Variants in PTPRK observed in about 807,000 individuals in gnomAD.
The protein encoded by PTPRK is receptor-type tyrosine-protein phosphatase kappa.
Under a neutral mutation model 178.0 loss-of-function variants are expected in PTPRK, and 75 were observed. The observed-to-expected ratio is 0.42, with a 90% CI of 0.35 to 0.51. The LOEUF is 0.51. PTPRK is among the 20% of genes least tolerant of loss of function. The pLI is 0.02. For missense variants in PTPRK, 1,441 were observed against 1,797.8 expected, an observed-to-expected ratio of 0.80 and a Z score of 3.59; for synonymous variants, 637 against 620.6, an observed-to-expected ratio of 1.03 and a Z score of -0.39.
chr6:128,113,772 C>T lies in PTPRK; in HGVS notation c.1163-23780G>A, dbSNP rs1791047538. 2.0e-5 allele frequency among the ~76,000 whole-genome samples: 3 copies of T among 152,168 alleles called. 1 individual carries two copies. The South Asian group carries it at 6.2e-4, about 32-fold the overall frequency. On this transcript the variant is annotated intron_variant, in intron 7 of 29. Transcript: ENST00000368226. ...ATTTTCAAATCCCAGTAAACAAATG[C>T]TTCTGTGTACTTAAAAAACACCTCA...
At chr6:128,323,677 A>T (rs1829150357) in intron 2 of PTPRK, among the ~76,000 whole-genome samples, 1 of 152,064 alleles carries the variant, frequency 6.6e-6, no homozygotes. Context: ...ATTGCCACTG[A>T]GTGGTAGGTA....
intron 7 of PTPRK, among the ~76,000 whole-genome samples, chr6:128,135,343 G>C (rs1470229459): frequency 6.6e-6 from 1 of 150,972 alleles, no homozygotes; most frequent in East Asian, 1.9e-4. Flanking sequence ...CTGGACCCAA[G>C]AGCAGTGGTG....
intron 1 of PTPRK, chr6:128,409,226 C>T: frequency 2.4e-6 from 1 of 412,508 alleles, no homozygotes; most frequent in South Asian, 1.8e-5. Context: ...AGTCAGCCAA[C>T]AATAAACTTA....
chr6:128,163,029 T>C (rs1307946390), intron 7 of PTPRK, among the ~76,000 whole-genome samples: 1 of 151,482 alleles, frequency 6.6e-6, no homozygotes, highest in Non-Finnish European at 1.5e-5. Flanking sequence ...GCTTAACATG[T>C]TTCTATTTAT....
chr6:128,219,624 C>T (rs1810033167), intron 5 of PTPRK, among the ~76,000 whole-genome samples: 1 of 152,182 alleles, frequency 6.6e-6, no homozygotes, highest in Non-Finnish European at 1.5e-5. Flanking sequence ...AGGGCTGACA[C>T]TATGGTAGTA....
chr6:128,091,639 A>C (rs6911533), intron 7 of PTPRK, among the ~76,000 whole-genome samples: 87 of 152,352 alleles, frequency 5.7e-4, no homozygotes, highest in African/African-American at 2.0e-3. Flanking sequence ...ATGAGCAAAC[A>C]ATGCCTATAC....
In PTPRK at chr6:128,084,813, G is replaced by A. The variant is rs575485073; in HGVS notation, c.1466-989C>T. The stretch of plus-strand genomic sequence containing the variant: ...AAATATATAGTATCTATCCTACTTG[G>A]CTAAAAAATGTGTTTCTTTTTGAAA... On this transcript the variant is annotated intron_variant, in intron 8 of 29. Coordinates refer to ENST00000368226, the MANE Select transcript of PTPRK (RefSeq NM_002844.4). 4.6e-5 allele frequency: 7 copies of A among 152,052 alleles called. 1 individual carries two copies. The highest frequency in any genetic ancestry group is 1.7e-4 in the African/African-American group (7 of 41,492). 9.4% of individuals were successfully genotyped at this position (152,052 alleles called of 1,614,324 possible). A position where few individuals can be genotyped will look rare whatever the true frequency, so the allele number is the denominator to read the frequency against.
Position 128,189,602 on chromosome 6 carries a change from A to T in PTPRK, c.869-4877T>A, listed in dbSNP as rs552356605. On this transcript the variant is annotated intron_variant, in intron 6 of 29. Coordinates refer to ENST00000368226, the MANE Select transcript of PTPRK (RefSeq NM_002844.4). ...ACAGAGATGATGAAAATCATGTTTT[A>T]CAGGAGTCCACTGCTCTATTAACAC... is the stretch of plus-strand genomic sequence containing the variant. Among the ~76,000 whole-genome samples, 3 of 152,278 alleles carry T rather than the reference A, an allele frequency of 2.0e-5. No homozygotes were observed. In the East Asian group the frequency reaches 5.8e-4, roughly 29 times the overall value.
intron 1 of PTPRK, among the ~76,000 whole-genome samples, chr6:128,512,996 G>A (rs1857404030): frequency 6.6e-6 from 1 of 152,124 alleles, no homozygotes; most frequent in Admixed American, 6.5e-5. Context: ...AGCATGTTTG[G>A]TTCCTTGAAG....
At chr6:128,415,927 G>A (rs1842800495) in intron 1 of PTPRK, among the ~76,000 whole-genome samples, 1 of 152,100 alleles carries the variant, frequency 6.6e-6, no homozygotes, top group South Asian at 2.1e-4. Flanking sequence ...GAGATTAAAT[G>A]TTTGGGGCTG....
intron 3 of PTPRK, among the ~76,000 whole-genome samples, chr6:128,276,130 T>C (rs185308128): frequency 6.6e-6 from 1 of 152,206 alleles, no homozygotes; most frequent in Admixed American, 6.5e-5. Context: ...TAACTATAAA[T>C]GCCAATATAC....
chr6:128,520,436 C>T lies in PTPRK; in HGVS notation c.-78G>A, dbSNP rs1013226255. The T allele has an allele frequency of 2.1e-6, 3 of 1,398,816 alleles. No individual in the cohort carries two copies. Among genetic ancestry groups the T allele is most frequent in the South Asian group, 1.3e-5 (1 of 79,894 alleles). The allele number at this position is 1,398,816 out of a possible 1,614,324, so 86.7% of individuals were successfully genotyped here. On this transcript the variant is annotated 5_prime_UTR_variant, in exon 1 of 30. Coordinates refer to ENST00000368226, the MANE Select transcript of PTPRK (RefSeq NM_002844.4). ...CGCCGCGAAATCCACGACGGAGGAG[C>T]GGGCCGGGCCTCGCGGGGTGAGGAC...
At chr6:128,315,633 TAAC>T (rs957336665) in intron 3 of PTPRK, among the ~76,000 whole-genome samples, 7 of 152,206 alleles carry the variant, frequency 4.6e-5, no homozygotes, top group African/African-American at 1.4e-4. Flanking sequence ...CCAACCCCAC[TAAC>T]AACAGAATAA....
chr6:128,153,707 T>C (rs573541513), intron 7 of PTPRK, among the ~76,000 whole-genome samples: 1 of 152,112 alleles, frequency 6.6e-6, no homozygotes, highest in South Asian at 2.1e-4. Context: ...ATTATAACAC[T>C]GTTCTGACAG....
chr6:128,135,300 T>C (rs1453566585), intron 7 of PTPRK, among the ~76,000 whole-genome samples: 1 of 152,170 alleles, frequency 6.6e-6, no homozygotes, highest in Non-Finnish European at 1.5e-5. Context: ...ACTATGTTTC[T>C]TGACCAGCTG....
chr6:127,988,250 C>A (rs1776197073), intron 21 of PTPRK, among the ~76,000 whole-genome samples: 1 of 142,010 alleles, frequency 7.0e-6, no homozygotes, highest in African/African-American at 2.5e-5. Flanking sequence ...GGAATGAGAG[C>A]TCCAGAGAAT....
chr6:127,976,329 A>G (rs956738422), intron 27 of PTPRK, among the ~76,000 whole-genome samples: 2 of 152,148 alleles, frequency 1.3e-5, no homozygotes, highest in African/African-American at 4.8e-5. Context: ...CTGGATGTCA[A>G]TACTAATAAA....
At chr6:128,237,555 G>A (rs1327003539) in intron 5 of PTPRK, among the ~76,000 whole-genome samples, 2 of 152,164 alleles carry the variant, frequency 1.3e-5, no homozygotes, top group Non-Finnish European at 2.9e-5. Context: ...ACCTAGTTTA[G>A]CATCTTACAG....
At chr6:128,081,663 TA>T (rs1460717545) in intron 10 of PTPRK, among the ~76,000 whole-genome samples, 1 of 152,024 alleles carries the variant, frequency 6.6e-6, no homozygotes, top group African/African-American at 2.4e-5. Context: ...TTAAATAATT[TA>T]TTTTTCAAAT....
Sources: allele counts gnomAD v4.1 joint callset (sites outside exome capture counted in the v4.1 genomes callset), GRCh38; gene constraint gnomAD v4.1.1; transcripts MANE v1.5; gene names NCBI Gene and HGNC (gene_info 2026-07-23, HGNC 2026-07-21).